Variants in EPHA3 observed in about 807,000 individuals in gnomAD.
EPHA3 encodes the protein EPH receptor A3, also known as ephrin type-A receptor 3.
EPHA3 carries 42 observed loss-of-function variants against 107.1 expected under a neutral mutation model. That is an observed-to-expected ratio of 0.39 (90% CI 0.31 to 0.51). The LOEUF (loss-of-function observed/expected upper bound fraction) is 0.51, where lower values mean the gene tolerates loss of function less well. EPHA3 is among the 20% of genes least tolerant of loss of function. The pLI is 0.78. For synonymous variants in EPHA3, 461 were observed against 424.8 expected (o/e 1.09, Z -1.05); for missense variants, 1,183 against 1,211.2 (o/e 0.98, Z 0.35).
rs1241907552 is a variant in EPHA3, at chr3:89,171,090, T to C, written c.154-38770T>C. Among the ~76,000 whole-genome samples the C allele has an allele frequency of 2.6e-5, 4 of 152,268 alleles. No homozygotes were observed. In the East Asian group the frequency reaches 7.8e-4, roughly 30 times the overall value. On this transcript the variant is annotated intron_variant, in intron 2 of 16. Transcript: ENST00000336596. ...TCAGATTGGTACAAATTAGCCTTGA[T>C]ATTACATGAAGATTTTTATGTCTCA...
intron 3 of EPHA3, among the ~76,000 whole-genome samples, chr3:89,243,339 C>T (rs1704953346): frequency 6.6e-6 from 1 of 152,106 alleles, no homozygotes; most frequent in Non-Finnish European, 1.5e-5. Flanking sequence ...CACTGACTTC[C>T]ACAATGGTTG....
intron 14 of EPHA3, 122 bp downstream of exon 14, chr3:89,449,496 C>A: frequency 1.3e-6 from 1 of 791,166 alleles, no homozygotes; most frequent in Non-Finnish European, 1.9e-6. Context: ...TATTTAGCAG[C>A]AATGAAACTG....
chr3:89,201,069 A>T (rs1453003194), intron 2 of EPHA3, among the ~76,000 whole-genome samples: 1 of 152,206 alleles, frequency 6.6e-6, no homozygotes, highest in African/African-American at 2.4e-5. Flanking sequence ...TAATTGGCTC[A>T]TAGTTCTGCA....
intron 5 of EPHA3, among the ~76,000 whole-genome samples, chr3:89,366,623 G>C (rs953311725): frequency 6.6e-6 from 1 of 150,520 alleles, no homozygotes; most frequent in African/African-American, 2.4e-5. Context: ...ATAGCATCAA[G>C]GAAAAGATCT....
At chr3:89,353,182 C>T (rs1281543730) in intron 5 of EPHA3, among the ~76,000 whole-genome samples, 1 of 151,090 alleles carries the variant, frequency 6.6e-6, no homozygotes, top group Non-Finnish European at 1.5e-5. Context: ...TAAACTATGG[C>T]CACCTATTGG....
intron 2 of EPHA3, among the ~76,000 whole-genome samples, chr3:89,130,667 C>A (rs150755750): frequency 0.019 from 2,877 of 148,576 alleles, 83 homozygotes; most frequent in African/African-American, 0.067. Flanking sequence ...TGGAGTCTCG[C>A]TCTGTCACCC....
chr3:89,415,703 T>G (rs1397190692), intron 10 of EPHA3, among the ~76,000 whole-genome samples: 2 of 151,156 alleles, frequency 1.3e-5, no homozygotes, highest in Admixed American at 6.6e-5. Flanking sequence ...ATCCAACCAT[T>G]CTTTCAACGA....
intron 5 of EPHA3, among the ~76,000 whole-genome samples, chr3:89,387,811 C>T (rs1262861887): frequency 6.6e-6 from 1 of 151,964 alleles, no homozygotes; most frequent in Non-Finnish European, 1.5e-5. Flanking sequence ...TTTGTCATTA[C>T]TTTTTTAAAA....
chr3:89,315,925 G>A (rs1559644050), intron 3 of EPHA3, among the ~76,000 whole-genome samples: 1 of 151,948 alleles, frequency 6.6e-6, no homozygotes, highest in East Asian at 1.9e-4. Context: ...GTTCCCTGAG[G>A]TACTTATCAG....
At chr3:89,260,545 A>G (rs1451177776) in intron 3 of EPHA3, among the ~76,000 whole-genome samples, 1 of 151,914 alleles carries the variant, frequency 6.6e-6, no homozygotes, top group Admixed American at 6.6e-5. Flanking sequence ...TTTTTCTGCT[A>G]TTGAGTTGTA....
chr3:89,285,401 C>T (rs1362736067), intron 3 of EPHA3, among the ~76,000 whole-genome samples: 2 of 152,134 alleles, frequency 1.3e-5, no homozygotes, highest in African/African-American at 4.8e-5. Flanking sequence ...AAAATATCTA[C>T]ACTGGTATTA....
At chr3:89,194,733 A>T (rs1303663322) in intron 2 of EPHA3, among the ~76,000 whole-genome samples, 1 of 152,002 alleles carries the variant, frequency 6.6e-6, no homozygotes, top group African/African-American at 2.4e-5. Context: ...CTCAGACCAT[A>T]CTTTGCTCTA....
chr3:89,341,974 C>T lies in EPHA3; in HGVS notation c.1190C>T (p.Thr397Ile), dbSNP rs1707535853. ...FGLTNTTVTV[T>I]DLLAHTNYTF... ...CTCACCAACACCACGGTGACAGTGA[C>T]AGACCTTCTGGCACATACTAACTAC... The change falls in exon 5 of 17, where the codon ACA becomes ATA. Residue 397 changes from threonine to isoleucine, a missense_variant. Physicochemically the swap from Thr to Ile is moderately conservative, Grantham distance 89. Transcript: ENST00000336596. The T allele has an allele frequency of 1.9e-6, 3 of 1,613,330 alleles. No individual in the cohort carries two copies. Among genetic ancestry groups the T allele is most frequent in the Non-Finnish European group, 2.5e-6 (3 of 1,179,870 alleles).
chr3:89,203,161 A>C (rs945151550), intron 2 of EPHA3, among the ~76,000 whole-genome samples: 3 of 152,028 alleles, frequency 2.0e-5, no homozygotes, highest in African/African-American at 7.2e-5. Flanking sequence ...AGACGTTAAA[A>C]GTCCAGTTGG....
intron 2 of EPHA3, among the ~76,000 whole-genome samples, chr3:89,130,932 G>A (rs895333340): frequency 7.2e-5 from 11 of 152,222 alleles, no homozygotes; most frequent in African/African-American, 2.2e-4. Context: ...CACCGCGCCC[G>A]GTCCCTATCT....
chr3:89,189,322 C>T (rs536757328), intron 2 of EPHA3, among the ~76,000 whole-genome samples: 33 of 152,258 alleles, frequency 2.2e-4, no homozygotes, highest in Admixed American at 7.2e-4. Flanking sequence ...AGACTGGGCA[C>T]GGTGGCTCAC....
chr3:89,426,759 T>C (rs1277535681), intron 11 of EPHA3, among the ~76,000 whole-genome samples: 1 of 151,896 alleles, frequency 6.6e-6, no homozygotes, highest in Non-Finnish European at 1.5e-5. Flanking sequence ...TATCTGTGAC[T>C]GCATTTGAAG....
At chr3:89,242,759 A>T (rs58858051) in intron 3 of EPHA3, among the ~76,000 whole-genome samples, 39,822 of 150,910 alleles carry the variant, frequency 0.26, 5,473 homozygotes, top group African/African-American at 0.32. Flanking sequence ...TCTTTCTTTT[A>T]TTTTTTTATT....
At chr3:89,383,028 C>T (rs1446095629) in intron 5 of EPHA3, among the ~76,000 whole-genome samples, 3 of 152,118 alleles carry the variant, frequency 2.0e-5, no homozygotes, top group Non-Finnish European at 4.4e-5. Context: ...ATATGTTTTA[C>T]TTCTTTTAAT....
Sources: gnomAD v4.1 joint callset for allele counts (sites outside exome capture counted in the v4.1 genomes callset) on GRCh38, gnomAD v4.1.1 for gene constraint, MANE v1.5 for transcripts, NCBI Gene and HGNC (gene_info 2026-07-23, HGNC 2026-07-21) for gene names.